Variants in TMEM50B observed in about 807,000 individuals in gnomAD.
The protein encoded by TMEM50B is HCV p7-trans-regulated protein 3.
In TMEM50B, 14 loss-of-function variants were observed where a neutral mutation model predicts 23.4. The observed-to-expected ratio is 0.60, with a 90% CI of 0.39 to 0.93. The LOEUF is 0.93. Among genes scored for constraint, TMEM50B ranks in the 40% least tolerant of loss-of-function variants. The pLI is 0.00. For synonymous variants in TMEM50B, 64 were observed against 62.3 expected (o/e 1.03, Z -0.13); for missense variants, 159 against 193.0 (o/e 0.82, Z 1.04).
At chr21:33,477,605 GGC>G (rs1037970340) in intron 1 of TMEM50B, among the ~76,000 whole-genome samples, 54 of 58,208 alleles carry the variant, frequency 9.3e-4, no homozygotes, top group Non-Finnish European at 1.4e-3. Context: ...GGGAGGCCGA[GGC>G]GGGGGGGGGT....
intron 4 of TMEM50B, among the ~76,000 whole-genome samples, chr21:33,464,455 C>T (rs1259024340): frequency 6.7e-6 from 1 of 150,076 alleles, no homozygotes; most frequent in African/African-American, 2.4e-5. Flanking sequence ...CCGTCTCAGC[C>T]TCCCAAAGTG....
At chr21:33,451,388 G>T (rs780151639) in intron 6 of TMEM50B, among the ~76,000 whole-genome samples, 4 of 152,122 alleles carry the variant, frequency 2.6e-5, no homozygotes, top group Non-Finnish European at 4.4e-5. Flanking sequence ...GCTCCCTAAT[G>T]GAGCTAAGGG....
intron 8 of TMEM50B, among the ~76,000 whole-genome samples, chr21:33,438,176 C>T (rs2083976018): frequency 1.3e-5 from 2 of 152,066 alleles, no homozygotes; most frequent in Admixed American, 1.3e-4. Context: ...CCCAGCTACT[C>T]AGGAGGCTGA....
At chr21:33,461,690 A>G (rs2084218208) in intron 4 of TMEM50B, among the ~76,000 whole-genome samples, 1 of 152,088 alleles carries the variant, frequency 6.6e-6, no homozygotes, top group Non-Finnish European at 1.5e-5. Context: ...CTGTAGTCCC[A>G]GCTATTCAAG....
At chr21:33,443,606 C>A (rs11909848) in intron 7 of TMEM50B, among the ~76,000 whole-genome samples, 5,073 of 152,236 alleles carry the variant, frequency 0.033, 276 homozygotes, top group African/African-American at 0.11. Flanking sequence ...TGACCATGGG[C>A]AGGATCCTGC....
chr21:33,465,390 C>A lies in TMEM50B; in HGVS notation c.232G>T (p.Ala78Ser). 1 of 1,612,822 alleles carries A rather than the reference C, an allele frequency of 6.2e-7. No individual in the cohort carries two copies. Among genetic ancestry groups the A allele is most frequent in the Non-Finnish European group, 8.5e-7 (1 of 1,179,684 alleles). ...AFFMINAVSN[A>S]QVRGDSYESG... ...TCATAGCTATCACCTCTCACCTGAG[C>A]ATTGGATACAGCATTTATCCTAGAA... The change falls in exon 4 of 7, where the codon GCT (alanine) becomes TCT (serine). Residue 78 changes from alanine (A) to serine (S), a missense_variant. By Grantham distance (99) the Ala-to-Ser change is moderately conservative. Transcript: ENST00000542230.
At chr21:33,453,314 T>C (rs1354578388) in intron 6 of TMEM50B, among the ~76,000 whole-genome samples, 1 of 152,046 alleles carries the variant, frequency 6.6e-6, no homozygotes, top group Admixed American at 6.6e-5. Context: ...GGTCTCGAAC[T>C]CCTGACCTCA....
In TMEM50B at chr21:33,469,049, G is replaced by A. The variant is rs1263021169; in HGVS notation, c.-41-123C>T. The A allele has an allele frequency of 6.5e-6, 4 of 612,832 alleles. No individual in the cohort carries two copies. In the African/African-American group the frequency reaches 7.4e-5, roughly 11 times the overall value. 38.0% of individuals were successfully genotyped at this position (612,832 alleles called of 1,614,324 possible). Reference sequence around the variant, plus strand: ...TTAGGTCCTATTCTACTATAGTTAAGAAAAATTCAATACTTCAACAAGTAC... The same window carrying A: ...TTAGGTCCTATTCTACTATAGTTAAAAAAAATTCAATACTTCAACAAGTAC... On this transcript the variant is annotated intron_variant, in intron 1 of 6. Coordinates refer to ENST00000542230, the MANE Select transcript of TMEM50B (RefSeq NM_006134.7).
intron 2 of TMEM50B, 87 bp from the exon 3 acceptor site, chr21:33,467,209 A>G (rs1053446352): frequency 5.8e-6 from 7 of 1,216,734 alleles, no homozygotes; most frequent in Non-Finnish European, 8.3e-6. Flanking sequence ...CCTACAGATC[A>G]TATAAATGGG....
In TMEM50B at chr21:33,450,809, G is replaced by C; in HGVS notation, c.*9C>G. The C allele has an allele frequency of 6.2e-7, 1 of 1,610,978 alleles. No individual in the cohort carries two copies. The highest frequency in any genetic ancestry group is 1.7e-5 in the Admixed American group (1 of 59,372). On this transcript the variant is annotated 3_prime_UTR_variant, in exon 7 of 7. Coordinates refer to ENST00000542230, the MANE Select transcript of TMEM50B (RefSeq NM_006134.7). ...ATAACAAAAGGAAAATGTGACTTAA[G>C]AAGTGATCTCAGGTCCATAGCTCTT...
At chr21:33,448,526 A>G (rs1427443995), downstream of TMEM50B, among the ~76,000 whole-genome samples, 2 of 150,734 alleles carry the variant, frequency 1.3e-5, no homozygotes, top group African/African-American at 2.4e-5. Context: ...TGTTGCCCAG[A>G]CTGGAGTGCA....
intron 1 of TMEM50B, chr21:33,479,419 C>G (rs59447700): frequency 1.2e-3 from 177 of 152,428 alleles, no homozygotes; most frequent in African/African-American, 4.0e-3. Flanking sequence ...GGCCCTCGCT[C>G]CGGCCTCGGG....
chr21:33,434,603 A>T (rs1414516483), intron 8 of TMEM50B, among the ~76,000 whole-genome samples: 1 of 152,206 alleles, frequency 6.6e-6, no homozygotes, highest in Non-Finnish European at 1.5e-5. Context: ...AGGTGTTGGA[A>T]GCAGAATGTT....
At chr21:33,439,475 G>A (rs2083989440) in intron 7 of TMEM50B, among the ~76,000 whole-genome samples, 1 of 152,122 alleles carries the variant, frequency 6.6e-6, no homozygotes, top group Middle Eastern at 3.4e-3. Flanking sequence ...TGCCTTCCGG[G>A]TTCAAGCGAT....
At chr21:33,435,545 AG>A (rs2083937377) in intron 8 of TMEM50B, among the ~76,000 whole-genome samples, 1 of 152,156 alleles carries the variant, frequency 6.6e-6, no homozygotes, top group Non-Finnish European at 1.5e-5. Flanking sequence ...CCCTGGGATG[AG>A]TATTAAAGTG....
chr21:33,455,069 T>C (rs1038917590), intron 6 of TMEM50B, among the ~76,000 whole-genome samples: 20 of 152,068 alleles, frequency 1.3e-4, no homozygotes, highest in African/African-American at 4.1e-4. Context: ...TGAGCCGAGA[T>C]TGTTCCACTG....
rs2084102451 is a variant in TMEM50B at position 33,449,966 on chromosome 21, G to A, written c.*852C>T. ...CCTTCTCACATAAAGTCATATTAGAGGAATTCTTTTTAAAAGAAGCTTTCA... is the reference window on the plus strand; with the variant it reads ...CCTTCTCACATAAAGTCATATTAGAAGAATTCTTTTTAAAAGAAGCTTTCA... On this transcript the variant is annotated 3_prime_UTR_variant, in exon 7 of 7. Transcript: ENST00000542230. 2 of 152,442 alleles carry A rather than the reference G, an allele frequency of 1.3e-5. No homozygotes were observed. The highest frequency in any genetic ancestry group is 4.1e-4 in the South Asian group (2 of 4,826). 9.4% of individuals were successfully genotyped at this position (152,442 alleles called of 1,614,324 possible). A position where few individuals can be genotyped will look rare whatever the true frequency, so the allele number is the denominator to read the frequency against.
At chr21:33,454,007 G>A (rs1324240459) in intron 6 of TMEM50B, among the ~76,000 whole-genome samples, 1 of 151,176 alleles carries the variant, frequency 6.6e-6, no homozygotes, top group Admixed American at 6.6e-5. Context: ...GGGAGGCTGA[G>A]GCACGGAATT....
At chr21:33,465,948 A>G (rs1443714783) in intron 3 of TMEM50B, among the ~76,000 whole-genome samples, 1 of 152,124 alleles carries the variant, frequency 6.6e-6, no homozygotes, top group African/African-American at 2.4e-5. Flanking sequence ...AAGTAGTTCC[A>G]TTTTCCAAAA....
Sources: allele counts gnomAD v4.1 joint callset (sites outside exome capture counted in the v4.1 genomes callset), GRCh38; gene constraint gnomAD v4.1.1; transcripts MANE v1.5; gene names NCBI Gene and HGNC (gene_info 2026-07-23, HGNC 2026-07-21).